Variants in PCDHGA6 observed in about 807,000 individuals in gnomAD.
PCDHGA6 encodes the protein protocadherin gamma-A6.
PCDHGA6 carries 41 observed loss-of-function variants against 60.6 expected under a neutral mutation model. The observed-to-expected ratio is 0.68, with a 90% confidence interval of 0.53 to 0.88. The LOEUF (loss-of-function observed/expected upper bound fraction) is 0.88, where lower values mean the gene tolerates loss of function less well. Ranked by LOEUF, PCDHGA6 falls within the 40% of genes least tolerant of loss-of-function variation. The pLI, the probability that PCDHGA6 is intolerant of heterozygous loss-of-function variation, is 0.00. For missense variants in PCDHGA6, 1,312 were observed against 1,203.0 expected, an observed-to-expected ratio of 1.09 and a Z score of -1.34; for synonymous variants, 594 against 524.4, an observed-to-expected ratio of 1.13 and a Z score of -1.81.
chr5:141,473,699 C>T (rs560096812), intron 1 of PCDHGA6, among the ~76,000 whole-genome samples: 2 of 152,244 alleles, frequency 1.3e-5, no homozygotes, highest in South Asian at 2.1e-4. Flanking sequence ...TGACCACCCT[C>T]CAAGTGGTGC....
intron 1 of PCDHGA6, chr5:141,424,728 G>A (rs907091181): frequency 1.3e-5 from 2 of 152,102 alleles, no homozygotes; most frequent in African/African-American, 2.4e-5. Flanking sequence ...GGGAGTCATA[G>A]ATTCCTTCTT....
At chr5:141,400,126 G>A (rs1428204829) in intron 1 of PCDHGA6, 2 of 1,613,972 alleles carry the variant, frequency 1.2e-6, no homozygotes, top group East Asian at 2.2e-5. Context: ...CTTGCAGGAG[G>A]TGCTGCCGGA....
rs775989253 is a variant in PCDHGA6 at position 141,491,769 on chromosome 5, G to A, written c.2425-3038G>A. On this transcript the variant is annotated intron_variant, in intron 1 of 3. Transcript: ENST00000517434. The surrounding 1 kb of genome is among the most constrained non-coding windows in gnomAD (Gnocchi z 6.9). ...CTGGAGAAGCCGCCCGTCCTCATAA[G>A]GGATTGAACTTGCATCCACTCCTCT... 6.4e-7 allele frequency: 1 copy of A among 1,562,376 alleles called. No homozygotes were observed. Among genetic ancestry groups the A allele is most frequent in the African/African-American group, 1.4e-5 (1 of 73,058 alleles).
chr5:141,403,950 T>C (rs771679747), intron 1 of PCDHGA6: 13 of 1,613,706 alleles, frequency 8.1e-6, no homozygotes, highest in Non-Finnish European at 1.1e-5. Context: ...TGGACAAAAG[T>C]GCTCATTTCG....
At chr5:141,434,521 T>G (rs2097700467) in intron 1 of PCDHGA6, among the ~76,000 whole-genome samples, 1 of 152,202 alleles carries the variant, frequency 6.6e-6, no homozygotes, top group Non-Finnish European at 1.5e-5. Flanking sequence ...AAAGGTGTTC[T>G]TAAACCACAA....
intron 3 of PCDHGA6, among the ~76,000 whole-genome samples, chr5:141,506,948 G>A (rs949082646): frequency 6.6e-6 from 1 of 152,162 alleles, no homozygotes; most frequent in Non-Finnish European, 1.5e-5. Flanking sequence ...TCCTGTCAAT[G>A]AATCCTCTCA....
chr5:141,402,229 A>G (rs1263337414), intron 1 of PCDHGA6, among the ~76,000 whole-genome samples: 4 of 152,110 alleles, frequency 2.6e-5, no homozygotes, highest in Non-Finnish European at 5.9e-5. Context: ...ACGTTTTTCC[A>G]GGAATTTTAT....
rs1239203203 is a variant in PCDHGA6 at position 141,403,933 on chromosome 5, G to T, written c.2424+27426G>T. 1.7e-5 allele frequency: 27 copies of T among 1,613,792 alleles called. No homozygotes were observed. The highest frequency in any genetic ancestry group is 1.6e-4 in the African/African-American group (12 of 74,902). ...TACAAGCTGAAGATGGTGGGGGATT[G>T]AAAGGGTGGACAAAAGTGCTCATTT... On this transcript the variant is annotated intron_variant, in intron 1 of 3. Transcript: ENST00000517434.
intron 1 of PCDHGA6, chr5:141,422,005 A>G (rs2154549470): frequency 6.2e-7 from 1 of 1,609,814 alleles, no homozygotes; most frequent in Middle Eastern, 1.7e-4. Context: ...CAGCTCCGGA[A>G]CTCGGGTGCT....
Position 141,485,605 on chromosome 5 carries a change from G to A in PCDHGA6, c.2425-9202G>A. On this transcript the variant is annotated intron_variant, in intron 1 of 3. Transcript: ENST00000517434. This position sits in a 1 kb window ranked among gnomAD's most constrained non-coding sequence, Gnocchi z 5.7. The stretch of plus-strand genomic sequence containing the variant: ...AGCAGCTGGACTTGGAAATTGGGGA[G>A]GCAGCTCCTCCAGGACAGCGTTTCC... 6.2e-7 allele frequency: 1 copy of A among 1,612,448 alleles called. No homozygotes were observed. Among genetic ancestry groups the A allele is most frequent in the Non-Finnish European group, 8.5e-7 (1 of 1,178,750 alleles).
rs1231591874 is a variant in PCDHGA6 at position 141,431,615 on chromosome 5, G to T, written c.2424+55108G>T. The T allele has an allele frequency of 3.1e-6, 5 of 1,614,118 alleles. No homozygotes were observed. Among genetic ancestry groups the T allele is most frequent in the African/African-American group, 2.7e-5 (2 of 74,950 alleles). On this transcript the variant is annotated intron_variant, in intron 1 of 3. Transcript: ENST00000517434. The surrounding 1 kb of genome is among the most constrained non-coding windows in gnomAD (Gnocchi z 4.8). Reference sequence around the variant, plus strand: ...GAGGTATTCCTTCCGGTATGTGGACGACAAGGCGGCCCAAGTTTTCAAACT... The same window carrying T: ...GAGGTATTCCTTCCGGTATGTGGACTACAAGGCGGCCCAAGTTTTCAAACT...
At position 141,399,280 on chromosome 5, in the gene PCDHGA6, G is replaced by A. The variant is rs750453381; in HGVS notation, c.2424+22773G>A. ...GGAGGTTAATTGTCAATTACAAGGCGAAGTCCCTTTTAAGATTATCTCTTC... is the reference window on the plus strand; with the variant it reads ...GGAGGTTAATTGTCAATTACAAGGCAAAGTCCCTTTTAAGATTATCTCTTC... On this transcript the variant is annotated intron_variant, in intron 1 of 3. Coordinates refer to ENST00000517434, the MANE Select transcript of PCDHGA6 (RefSeq NM_018919.3). 20 of 1,613,836 alleles carry A rather than the reference G, an allele frequency of 1.2e-5. No homozygotes were observed. The highest frequency in any genetic ancestry group is 3.3e-4 in the Middle Eastern group (2 of 6,060).
intron 1 of PCDHGA6, chr5:141,423,967 A>T (rs760284844): frequency 5.2e-6 from 6 of 1,153,616 alleles, no homozygotes; most frequent in Non-Finnish European, 6.5e-6. Context: ...TTTTTCTATT[A>T]TCAGTGTATG....
Position 141,374,040 on chromosome 5 carries a change from T to C in PCDHGA6, c.-44T>C, listed in dbSNP as rs749671725. The C allele has an allele frequency of 6.9e-7, 1 of 1,458,040 alleles. No homozygotes were observed. The highest frequency in any genetic ancestry group is 2.7e-5 in the Admixed American group (1 of 36,504). 90.3% of individuals were successfully genotyped at this position (1,458,040 alleles called of 1,614,324 possible). A position where few individuals can be genotyped will look rare whatever the true frequency, so the allele number is the denominator to read the frequency against. On this transcript the variant is annotated 5_prime_UTR_variant, in exon 1 of 4. Transcript: ENST00000517434. ...GAAGAGCAAAAGTGATGCAGATCTG[T>C]TCTTCCTCTTCTTAATCCCAGAGAA...
chr5:141,419,584 C>G, intron 1 of PCDHGA6: 1 of 1,611,800 alleles, frequency 6.2e-7, no homozygotes. Context: ...CCGCGCTCTT[C>G]GACACAGTGC....
At position 141,477,687 on chromosome 5, in the gene PCDHGA6, C is replaced by A. The variant is rs1206813120; in HGVS notation, c.2425-17120C>A. The A allele has an allele frequency of 5.6e-6, 9 of 1,614,022 alleles. No homozygotes were observed. The highest frequency in any genetic ancestry group is 7.6e-6 in the Non-Finnish European group (9 of 1,180,040). ...AATGGCATAGTGTCATCCTTAGTGC[C>A]CCTAGACTATGAGGATCGGCGGGAA... On this transcript the variant is annotated intron_variant, in intron 1 of 3. Coordinates refer to ENST00000517434, the MANE Select transcript of PCDHGA6 (RefSeq NM_018919.3). This position sits in a 1 kb window ranked among gnomAD's most constrained non-coding sequence, Gnocchi z 4.9.
intron 1 of PCDHGA6, chr5:141,419,831 G>C: frequency 1.9e-6 from 3 of 1,614,048 alleles, no homozygotes; most frequent in Non-Finnish European, 2.5e-6. Context: ...TTCAGCCACT[G>C]CCACGCTGCA....
intron 1 of PCDHGA6, among the ~76,000 whole-genome samples, chr5:141,444,503 T>C (rs2098438734): frequency 6.6e-6 from 1 of 152,088 alleles, no homozygotes; most frequent in Non-Finnish European, 1.5e-5. Flanking sequence ...AATACTTTGC[T>C]CTAGCAGTAT....
chr5:141,405,593 C>T (rs1262163993), intron 1 of PCDHGA6: 1 of 579,000 alleles, frequency 1.7e-6, no homozygotes, highest in African/African-American at 1.9e-5. Context: ...TACAGGCCTC[C>T]CAAGTAGAAT....
Sources: gnomAD v4.1 joint callset for allele counts (sites outside exome capture counted in the v4.1 genomes callset) on GRCh38, gnomAD v4.1.1 for gene constraint, Gnocchi (gnomAD v3.1) non-coding constraint, MANE v1.5 for transcripts, NCBI Gene and HGNC (gene_info 2026-07-23, HGNC 2026-07-21) for gene names.